SLC35F6: variants seen among roughly 807,000 people sequenced by gnomAD.
The protein encoded by SLC35F6 is solute carrier family 35 member F6.
Under a neutral mutation model 29.4 loss-of-function variants are expected in SLC35F6, and 26 were observed. The observed-to-expected ratio is 0.89, with a 90% CI of 0.65 to 1.23. SLC35F6 has a LOEUF of 1.23. SLC35F6 is among the 50% of genes most tolerant of loss of function. The pLI is 0.00. For synonymous variants in SLC35F6, 174 were observed against 206.6 expected (o/e 0.84, Z 1.35); for missense variants, 428 against 487.8 (o/e 0.88, Z 1.15).
chr2:26,764,297 C>T lies in SLC35F6; in HGVS notation c.-53C>T. 7 of 1,543,098 alleles carry T rather than the reference C, an allele frequency of 4.5e-6. No individual in the cohort carries two copies. Among genetic ancestry groups the T allele is most frequent in the Non-Finnish European group, 5.2e-6 (6 of 1,142,860 alleles). On this transcript the variant is annotated 5_prime_UTR_variant, in exon 1 of 6. Coordinates refer to ENST00000344420, the MANE Select transcript of SLC35F6 (RefSeq NM_017877.4). ...CCGGAAGCGCTCGCGCAGGAGACCC[C>T]GGGTGACGGGGCCCGGCGCCGCTAA...
Position 26,775,028 on chromosome 2 carries a change from G to T in SLC35F6, c.151-16G>T, listed in dbSNP as rs1664272386. On this transcript the variant is annotated splice_polypyrimidine_tract_variant and intron_variant, in intron 2 of 5. Coordinates refer to ENST00000344420, the MANE Select transcript of SLC35F6 (RefSeq NM_017877.4). The surrounding 1 kb of genome is among the most constrained non-coding windows in gnomAD (Gnocchi z 4.6). ...TCCCTTCCAGCTCTGAAGTCCTCGG[G>T]TTTTCATCCCTGCAGGCAGTGGGCA... 6.2e-7 allele frequency: 1 copy of T among 1,606,976 alleles called. No individual in the cohort carries two copies. The highest frequency in any genetic ancestry group is 1.3e-5 in the African/African-American group (1 of 74,646).
At chr2:26,777,352 GAAGT>G (rs1013012761) in intron 5 of SLC35F6, among the ~76,000 whole-genome samples, 35 of 152,218 alleles carry the variant, frequency 2.3e-4, no homozygotes, top group African/African-American at 8.2e-4. Flanking sequence ...TTTGAGCAGG[GAAGT>G]AAGTATCAAA....
At chr2:26,774,689 G>A (rs926465808) in intron 2 of SLC35F6, among the ~76,000 whole-genome samples, 3 of 152,192 alleles carry the variant, frequency 2.0e-5, no homozygotes, top group Non-Finnish European at 2.9e-5. Context: ...AGAATCAGGA[G>A]ACTCAAATGT....
At chr2:26,771,229 G>A (rs1664191435) in intron 1 of SLC35F6, among the ~76,000 whole-genome samples, 1 of 152,220 alleles carries the variant, frequency 6.6e-6, no homozygotes, top group Admixed American at 6.5e-5. Context: ...GGACCAACTT[G>A]TTCTACCAGC....
chr2:26,764,458 C>A (rs1311578845), intron 1 of SLC35F6, 32 bp downstream of exon 1: 2 of 1,550,286 alleles, frequency 1.3e-6, no homozygotes, highest in South Asian at 2.4e-5. Context: ...CGTGCGGGCC[C>A]TGGCGACCCC....
At chr2:26,764,476 G>C (rs1664058648) in intron 1 of SLC35F6, 50 bp downstream of exon 1, 17 of 1,544,540 alleles carry the variant, frequency 1.1e-5, no homozygotes, top group East Asian at 2.4e-5. Flanking sequence ...CCCGGCGCTC[G>C]TTCTACGCCT....
chr2:26,769,570 C>T (rs1400130211), intron 1 of SLC35F6, among the ~76,000 whole-genome samples: 1 of 152,260 alleles, frequency 6.6e-6, no homozygotes, highest in African/African-American at 2.4e-5. Context: ...CCCTCGAGCC[C>T]TCTCTGGCCC....
At chr2:26,778,009 G>T (rs200205090) in intron 5 of SLC35F6, 33 bp from the exon 6 acceptor site, 2 of 1,577,684 alleles carry the variant, frequency 1.3e-6, no homozygotes, top group Non-Finnish European at 1.7e-6. Flanking sequence ...CTGGGGGAAG[G>T]TGGAGAGTGT....
At position 26,778,886 on chromosome 2, in the gene SLC35F6, C is replaced by T. The variant is rs1664356019; in HGVS notation, c.*375C>T. ...TATGAGTCATAAGCTAGATTTGATT[C>T]TTCAAAGAAGAAAAGTCAGTGAGCA... On this transcript the variant is annotated 3_prime_UTR_variant, in exon 6 of 6. Transcript: ENST00000344420. 4.8e-6 allele frequency: 1 copy of T among 207,986 alleles called. No homozygotes were observed. The highest frequency in any genetic ancestry group is 9.6e-6 in the Non-Finnish European group (1 of 104,632). 12.9% of individuals were successfully genotyped at this position (207,986 alleles called of 1,614,324 possible).
At chr2:26,776,278 C>T in intron 4 of SLC35F6, 94 bp from the exon 5 acceptor site, 1 of 1,112,784 alleles carries the variant, frequency 9.0e-7, no homozygotes, top group Non-Finnish European at 1.3e-6. Context: ...CTGCAGAGGT[C>T]AGGGGCTGGC....
intron 2 of SLC35F6, among the ~76,000 whole-genome samples, chr2:26,774,623 G>A (rs555958660): frequency 5.8e-4 from 88 of 152,326 alleles, no homozygotes; most frequent in African/African-American, 2.0e-3. Flanking sequence ...TGGGAGCCCA[G>A]ACCCCAATTG....
At chr2:26,765,112 C>A (rs1028175081) in intron 1 of SLC35F6, 14 of 637,060 alleles carry the variant, frequency 2.2e-5, no homozygotes, top group South Asian at 2.1e-4. Context: ...AAAAACCACT[C>A]CAAGGCTGCT....
intron 1 of SLC35F6, chr2:26,764,943 G>A (rs35277048): frequency 0.39 from 384,291 of 985,196 alleles, 77,372 homozygotes; most frequent in Admixed American, 0.46. Context: ...GTAAGTCAAG[G>A]AAAGTCTACG....
intron 1 of SLC35F6, among the ~76,000 whole-genome samples, chr2:26,770,586 T>G (rs1407373360): frequency 6.6e-6 from 1 of 151,850 alleles, no homozygotes; most frequent in Non-Finnish European, 1.5e-5. Flanking sequence ...GGCATGGTGG[T>G]GGGTGCCCGT....
At position 26,775,309 on chromosome 2, in the gene SLC35F6, A is replaced by G; in HGVS notation, c.322+94A>G. 6.5e-7 allele frequency: 1 copy of G among 1,535,978 alleles called. No individual in the cohort carries two copies. Among genetic ancestry groups the G allele is most frequent in the Non-Finnish European group, 8.8e-7 (1 of 1,137,662 alleles). ...GCCCTATCCCACCCACCTCCACTTC[A>G]TCCCACCATTCCCCCAGACTTCACA... On this transcript the variant is annotated intron_variant, in intron 3 of 5. Coordinates refer to ENST00000344420, the MANE Select transcript of SLC35F6 (RefSeq NM_017877.4). This position sits in a 1 kb window ranked among gnomAD's most constrained non-coding sequence, Gnocchi z 4.6.
Position 26,775,317 on chromosome 2 carries a change from A to T in SLC35F6, c.322+102A>T, listed in dbSNP as rs997709277. 3 of 1,530,084 alleles carry T rather than the reference A, an allele frequency of 2.0e-6. No individual in the cohort carries two copies. The African/African-American group carries it at 4.1e-5, about 21-fold the overall frequency. 94.8% of individuals were successfully genotyped at this position (1,530,084 alleles called of 1,614,324 possible). ...CCACCCACCTCCACTTCATCCCACC[A>T]TTCCCCCAGACTTCACACGCACAGG... On this transcript the variant is annotated intron_variant, in intron 3 of 5. Coordinates refer to ENST00000344420, the MANE Select transcript of SLC35F6 (RefSeq NM_017877.4). This position sits in a 1 kb window ranked among gnomAD's most constrained non-coding sequence, Gnocchi z 4.6.
Position 26,778,418 on chromosome 2 carries a change from G to A in SLC35F6, c.1023G>A (p.Leu341=). 1 of 1,614,074 alleles carries A rather than the reference G, an allele frequency of 6.2e-7. No homozygotes were observed. The highest frequency in any genetic ancestry group is 8.5e-7 in the Non-Finnish European group (1 of 1,180,010). The change falls in exon 6 of 6, where the codon CTG becomes CTA. Residue 341 remains leucine, a synonymous_variant. Transcript: ENST00000344420. ...ALYNGLHRPL[L]GRLSRGRPLA... is the part of the protein sequence containing the mutation. ...ACAATGGGCTACACCGTCCGCTGCT[G>A]GGCCGCCTGTCCAGGGGCCGGCCCC...
Position 26,781,190 on chromosome 2 carries a change from G to T in SLC35F6, c.*2679G>T, listed in dbSNP as rs1390133651. 5 of 152,140 alleles carry T rather than the reference G, an allele frequency of 3.3e-5. No homozygotes were observed. Among genetic ancestry groups the T allele is most frequent in the Admixed American group, 2.6e-4 (4 of 15,262 alleles). 9.4% of individuals were successfully genotyped at this position (152,140 alleles called of 1,614,324 possible). A position where few individuals can be genotyped will look rare whatever the true frequency, so the allele number is the denominator to read the frequency against. On this transcript the variant is annotated 3_prime_UTR_variant, in exon 6 of 6. Coordinates refer to ENST00000344420, the MANE Select transcript of SLC35F6 (RefSeq NM_017877.4). ...CGAATTGCTGTAAAGAAATACCTGA[G>T]ACTGGGTAATTTAATTTATAAAGAA...
At position 26,773,481 on chromosome 2, in the gene SLC35F6, C is replaced by G. The variant is rs770489360; in HGVS notation, c.78-770C>G. ...TCTTGCCACTGCACTCCAGCCTGGG[C>G]GACAGAGCGAGACTCCATTAAGAAA... On this transcript the variant is annotated intron_variant, in intron 1 of 5. Transcript: ENST00000344420. Among the ~76,000 whole-genome samples, 250 of 130,022 alleles carry G rather than the reference C, an allele frequency of 1.9e-3. 3 individuals carry two copies. Among genetic ancestry groups the G allele is most frequent in the Middle Eastern group, 0.01 (2 of 198 alleles). 85.3% of individuals were successfully genotyped at this position (130,022 alleles called of 152,430 possible).
Sources: allele counts gnomAD v4.1 joint callset (sites outside exome capture counted in the v4.1 genomes callset), GRCh38; gene constraint gnomAD v4.1.1; non-coding constraint Gnocchi (gnomAD v3.1); transcripts MANE v1.5; gene names NCBI Gene and HGNC (gene_info 2026-07-23, HGNC 2026-07-21).